The following LSAMP variants were observed in gnomAD, a reference collection of about 807,000 sequenced individuals.
LSAMP encodes the protein limbic system-associated membrane protein.
In LSAMP, 7 loss-of-function variants were observed where a neutral mutation model predicts 38.6. The observed-to-expected ratio is 0.18, with a 90% CI of 0.10 to 0.34. The LOEUF (loss-of-function observed/expected upper bound fraction) is 0.34. LSAMP is among the 10% of genes least tolerant of loss of function. The probability of loss-of-function intolerance (pLI) is 1.00; values close to 1 mark genes in which losing one functional copy is unlikely to be tolerated. For synonymous variants in LSAMP, 154 were observed against 166.8 expected, an observed-to-expected ratio of 0.92 and a Z score of 0.59; for missense variants, 313 against 420.0, an observed-to-expected ratio of 0.75 and a Z score of 2.23.
chr3:116,263,534 T>C (rs908562203), intron 1 of LSAMP, among the ~76,000 whole-genome samples: 3 of 136,706 alleles, frequency 2.2e-5, no homozygotes, highest in Admixed American at 1.5e-4. Context: ...TAAGACTTTG[T>C]CTCAAAAAAA....
chr3:116,098,740 T>C (rs1301493529), intron 1 of LSAMP, among the ~76,000 whole-genome samples: 1 of 152,176 alleles, frequency 6.6e-6, no homozygotes, highest in East Asian at 1.9e-4. Context: ...TTTTCTTCTT[T>C]CTCTCACCAA....
intron 2 of LSAMP, among the ~76,000 whole-genome samples, chr3:116,037,527 G>T (rs962424742): frequency 1.3e-5 from 2 of 152,024 alleles, no homozygotes; most frequent in African/African-American, 2.4e-5. Flanking sequence ...TCTCCAAAGA[G>T]ATAAAAATAA....
chr3:115,890,382 C>A (rs1379002511), intron 3 of LSAMP, among the ~76,000 whole-genome samples: 1 of 151,974 alleles, frequency 6.6e-6, no homozygotes, highest in East Asian at 1.9e-4. Context: ...CCAACAAGCA[C>A]AATTTACTCC....
chr3:116,372,175 A>G (rs945441045), intron 1 of LSAMP, among the ~76,000 whole-genome samples: 8 of 152,086 alleles, frequency 5.3e-5, no homozygotes, highest in Non-Finnish European at 1.2e-4. Flanking sequence ...AAAACTTACT[A>G]CATAGCTATA....
At chr3:116,091,595 T>A (rs1299014082) in intron 1 of LSAMP, among the ~76,000 whole-genome samples, 1 of 152,246 alleles carries the variant, frequency 6.6e-6, no homozygotes, top group African/African-American at 2.4e-5. Context: ...ATCCACGTTC[T>A]TCTGTCATGG....
intron 1 of LSAMP, among the ~76,000 whole-genome samples, chr3:116,273,791 A>C (rs976594042): frequency 9.9e-5 from 14 of 141,448 alleles, no homozygotes; most frequent in South Asian, 2.2e-4. Flanking sequence ...ACAGATATAT[A>C]TATCTTTCTC....
chr3:116,093,529 G>A (rs546406708), intron 1 of LSAMP, among the ~76,000 whole-genome samples: 2 of 152,274 alleles, frequency 1.3e-5, no homozygotes, highest in South Asian at 4.1e-4. Flanking sequence ...GCCTAGTGAG[G>A]CTCTGGTTGT....
In LSAMP at chr3:116,267,167, G is replaced by T. The variant is rs191927443; in HGVS notation, c.155+177710C>A. On this transcript the variant is annotated intron_variant, in intron 1 of 6. Coordinates refer to ENST00000490035, the MANE Select transcript of LSAMP (RefSeq NM_002338.5). ...CAAGGCAGATGTTACATTTTTTTTT[G>T]AAGTTGGCGCCACTTGCATCCAGAA... Among the ~76,000 whole-genome samples the T allele has an allele frequency of 6.0e-3, 906 of 151,662 alleles. 7 individuals are homozygous for T. The highest frequency in any genetic ancestry group is 0.02 in the African/African-American group (841 of 41,386).
intron 1 of LSAMP, among the ~76,000 whole-genome samples, chr3:116,416,416 G>T (rs1321614162): frequency 6.6e-6 from 1 of 152,158 alleles, no homozygotes; most frequent in African/African-American, 2.4e-5. Context: ...ATCAGTTTAA[G>T]ATACTACATT....
intron 3 of LSAMP, among the ~76,000 whole-genome samples, chr3:115,984,386 A>G (rs929684169): frequency 3.9e-5 from 6 of 152,192 alleles, no homozygotes; most frequent in Non-Finnish European, 5.9e-5. Flanking sequence ...GGCTAGATGT[A>G]TGCTAAAATA....
At chr3:116,185,478 A>G (rs1240137591) in intron 1 of LSAMP, among the ~76,000 whole-genome samples, 1 of 152,000 alleles carries the variant, frequency 6.6e-6, no homozygotes, top group Admixed American at 6.6e-5. Flanking sequence ...ATTCTTCCAC[A>G]CACACAGGGA....
At position 116,212,126 on chromosome 3, in the gene LSAMP, G is replaced by A. The variant is rs542085364; in HGVS notation, c.156-125570C>T. On this transcript the variant is annotated intron_variant, in intron 1 of 6. Coordinates refer to ENST00000490035, the MANE Select transcript of LSAMP (RefSeq NM_002338.5). ...GACACAGTTTGCTGAGCAGCCATGA[G>A]GCAATTCACAGCCTACTACTTCTGG... is the stretch of plus-strand genomic sequence containing the variant. 8.5e-5 allele frequency among the ~76,000 whole-genome samples: 13 copies of A among 152,310 alleles called. No individual in the cohort carries two copies. In the South Asian group the frequency reaches 2.1e-3, roughly 24 times the overall value.
chr3:116,048,980 T>A (rs1273773611), intron 2 of LSAMP, among the ~76,000 whole-genome samples: 1 of 152,170 alleles, frequency 6.6e-6, no homozygotes. Context: ...CAGGAATGAA[T>A]TAGCTGAATT....
At chr3:116,202,714 A>T (rs1389984768) in intron 1 of LSAMP, among the ~76,000 whole-genome samples, 1 of 152,150 alleles carries the variant, frequency 6.6e-6, no homozygotes, top group Non-Finnish European at 1.5e-5. Context: ...GTGAGCCACC[A>T]TACCCAAGCA....
At chr3:116,265,881 G>C (rs2046885181) in intron 1 of LSAMP, among the ~76,000 whole-genome samples, 1 of 152,054 alleles carries the variant, frequency 6.6e-6, no homozygotes, top group Non-Finnish European at 1.5e-5. Flanking sequence ...CAAAACATAA[G>C]GCAGAGTAAC....
chr3:115,961,149 G>A (rs185534794), intron 3 of LSAMP, among the ~76,000 whole-genome samples: 28 of 152,330 alleles, frequency 1.8e-4, no homozygotes, highest in African/African-American at 6.0e-4. Context: ...AGTGGAAGTG[G>A]AGAAAAGCTA....
chr3:116,401,364 C>T (rs1040274250), intron 1 of LSAMP, among the ~76,000 whole-genome samples: 1 of 152,154 alleles, frequency 6.6e-6, no homozygotes, highest in African/African-American at 2.4e-5. Flanking sequence ...TCACTGTAGC[C>T]TAGACCTCCT....
chr3:115,862,685 T>C (rs1400257), intron 3 of LSAMP, among the ~76,000 whole-genome samples: 28,905 of 152,142 alleles, frequency 0.19, 3,544 homozygotes, highest in African/African-American at 0.33. Context: ...ATAAGGTGGG[T>C]AGCTCAGGGG....
chr3:116,291,164 A>G (rs2047262420), intron 1 of LSAMP, among the ~76,000 whole-genome samples: 1 of 152,160 alleles, frequency 6.6e-6, no homozygotes, highest in African/African-American at 2.4e-5. Flanking sequence ...TTGAATATAT[A>G]TGCTCCAACT....
Sources: allele counts gnomAD v4.1 joint callset (sites outside exome capture counted in the v4.1 genomes callset), GRCh38; gene constraint gnomAD v4.1.1; transcripts MANE v1.5; gene names NCBI Gene and HGNC (gene_info 2026-07-23, HGNC 2026-07-21).